Variants in CNTNAP2 observed in about 807,000 individuals in gnomAD.
CNTNAP2 encodes contactin associated protein 2.
A neutral mutation model predicts 155.2 loss-of-function variants in CNTNAP2; 98 were observed. That is an observed-to-expected ratio of 0.63 (90% CI 0.54 to 0.75). The LOEUF is 0.75. CNTNAP2 is among the 30% of genes least tolerant of loss of function. The pLI is 0.00. For synonymous variants in CNTNAP2, 651 were observed against 631.2 expected (o/e 1.03, Z -0.47); for missense variants, 1,727 against 1,688.1 (o/e 1.02, Z -0.40).
chr7:146,760,195 C>T (rs1030741581), intron 1 of CNTNAP2, among the ~76,000 whole-genome samples: 1 of 152,048 alleles, frequency 6.6e-6, no homozygotes, highest in Non-Finnish European at 1.5e-5. Context: ...GAGCCCAAAT[C>T]CATATTTTAT....
intron 13 of CNTNAP2, among the ~76,000 whole-genome samples, chr7:147,823,138 C>T (rs1798388050): frequency 6.6e-6 from 1 of 152,162 alleles, no homozygotes; most frequent in African/African-American, 2.4e-5. Context: ...TCCAAGTCTA[C>T]ACACTCCACT....
intron 9 of CNTNAP2, among the ~76,000 whole-genome samples, chr7:147,388,512 A>C (rs1408748744): frequency 6.6e-6 from 1 of 152,242 alleles, no homozygotes; most frequent in Non-Finnish European, 1.5e-5. Flanking sequence ...ATCTACATAT[A>C]GTGAAAACCA....
chr7:148,030,435 A>T (rs1198644640), intron 15 of CNTNAP2, among the ~76,000 whole-genome samples: 1 of 152,170 alleles, frequency 6.6e-6, no homozygotes, highest in East Asian at 1.9e-4. Flanking sequence ...ATTGTCTTTA[A>T]TAGTTGCAGT....
intron 2 of CNTNAP2, among the ~76,000 whole-genome samples, chr7:146,830,642 G>A (rs758485223): frequency 2.0e-5 from 3 of 152,004 alleles, no homozygotes; most frequent in Non-Finnish European, 4.4e-5. Flanking sequence ...TTGATAATGC[G>A]TTTCTTCAAA....
At position 147,257,831 on chromosome 7, in the gene CNTNAP2, A is replaced by C. The variant is rs115158744; in HGVS notation, c.1349-42310A>C. 2.9e-3 allele frequency among the ~76,000 whole-genome samples: 439 copies of C among 152,332 alleles called. 2 individuals are homozygous for C. The highest frequency in any genetic ancestry group is 0.01 in the African/African-American group (425 of 41,572). On this transcript the variant is annotated intron_variant, in intron 8 of 23. Coordinates refer to ENST00000361727, the MANE Select transcript of CNTNAP2 (RefSeq NM_014141.6). ...AAAAATATGGAACTTGGGAAAATGT[A>C]ATAGGTTGAGTGACTAGATCGATAG...
chr7:147,487,207 A>G (rs1460319164), intron 11 of CNTNAP2, among the ~76,000 whole-genome samples: 1 of 152,204 alleles, frequency 6.6e-6, no homozygotes, highest in Admixed American at 6.5e-5. Flanking sequence ...TTGTTTAGGT[A>G]GATATTCAAA....
chr7:146,573,001 A>G (rs1798466141), intron 1 of CNTNAP2, among the ~76,000 whole-genome samples: 1 of 152,140 alleles, frequency 6.6e-6, no homozygotes, highest in South Asian at 2.1e-4. Flanking sequence ...ATGGAGGAGC[A>G]CCCAACAAAT....
chr7:146,701,853 T>C (rs1478742701), intron 1 of CNTNAP2, among the ~76,000 whole-genome samples: 1 of 152,132 alleles, frequency 6.6e-6, no homozygotes, highest in Non-Finnish European at 1.5e-5. Context: ...ATTCAATCAA[T>C]ACACAATGCA....
rs756550433 is a variant in CNTNAP2, at chr7:148,409,440, T to C, written c.3765T>C (p.Asn1255=). Residue 1255 remains asparagine, a synonymous_variant, in exon 23 of 24, where the codon AAT becomes AAC. Coordinates refer to ENST00000361727, the MANE Select transcript of CNTNAP2 (RefSeq NM_014141.6). ...CAGGACAAGGCCAAGCTATAAGAAA[T>C]GGAGTCAACAGAAACTCGGCTATCA... The part of the protein sequence containing the change: ...YNPGQGQAIR[N]GVNRNSAIIG... The C allele has an allele frequency of 1.9e-6, 3 of 1,613,834 alleles. No individual in the cohort carries two copies. The highest frequency in any genetic ancestry group is 1.7e-5 in the Admixed American group (1 of 60,002).
intron 1 of CNTNAP2, among the ~76,000 whole-genome samples, chr7:146,636,155 G>A (rs1470126016): frequency 1.3e-5 from 2 of 151,492 alleles, no homozygotes; most frequent in African/African-American, 2.4e-5. Flanking sequence ...TAGGGGAGAG[G>A]TGGACTACAG....
At chr7:146,764,502 A>G (rs1448777308) in intron 1 of CNTNAP2, among the ~76,000 whole-genome samples, 1 of 150,898 alleles carries the variant, frequency 6.6e-6, no homozygotes, top group African/African-American at 2.4e-5. Flanking sequence ...AAATTAGAAG[A>G]TCAAGTTCGA....
At chr7:146,975,225 G>A (rs889383649) in intron 3 of CNTNAP2, among the ~76,000 whole-genome samples, 1 of 152,102 alleles carries the variant, frequency 6.6e-6, no homozygotes, top group African/African-American at 2.4e-5. Context: ...AGCAGTTTGG[G>A]AGGCCGAGGT....
At chr7:147,832,234 A>G (rs1046453252) in intron 13 of CNTNAP2, among the ~76,000 whole-genome samples, 9 of 141,090 alleles carry the variant, frequency 6.4e-5, no homozygotes, top group African/African-American at 2.0e-4. Flanking sequence ...TTAATTATAT[A>G]AACATTTAAT....
At chr7:146,118,126 T>C (rs914927786) in intron 1 of CNTNAP2, among the ~76,000 whole-genome samples, 8 of 152,154 alleles carry the variant, frequency 5.3e-5, no homozygotes, top group Non-Finnish European at 1.0e-4. Flanking sequence ...AGGAATAGCA[T>C]TGAAAAAGGA....
intron 1 of CNTNAP2, among the ~76,000 whole-genome samples, chr7:146,667,817 C>T (rs1218770997): frequency 4.0e-5 from 6 of 151,266 alleles, no homozygotes; most frequent in African/African-American, 7.3e-5. Flanking sequence ...TTTCGTGTGT[C>T]GATTTTTTAT....
At chr7:148,027,756 A>G (rs1013240767) in intron 15 of CNTNAP2, among the ~76,000 whole-genome samples, 7 of 152,226 alleles carry the variant, frequency 4.6e-5, no homozygotes, top group African/African-American at 1.7e-4. Flanking sequence ...TCATATATGA[A>G]AAAAAGAAAG....
chr7:146,856,986 T>A (rs1050463791), intron 3 of CNTNAP2, among the ~76,000 whole-genome samples: 1 of 152,128 alleles, frequency 6.6e-6, no homozygotes, highest in Admixed American at 6.6e-5. Flanking sequence ...AAAGATGCCC[T>A]AAAGACATAA....
intron 1 of CNTNAP2, among the ~76,000 whole-genome samples, chr7:146,648,962 G>T (rs542143382): frequency 3.9e-5 from 6 of 151,940 alleles, no homozygotes; most frequent in Non-Finnish European, 8.8e-5. Flanking sequence ...GGGAAATACC[G>T]CTCTTGCTTT....
chr7:147,925,459 A>AT (rs1800380781), intron 14 of CNTNAP2, among the ~76,000 whole-genome samples: 1 of 151,854 alleles, frequency 6.6e-6, no homozygotes, highest in South Asian at 2.1e-4. Context: ...CATTCTGTGG[A>AT]TTTTTTATTT....
Sources: allele counts gnomAD v4.1 joint callset (sites outside exome capture counted in the v4.1 genomes callset), GRCh38; gene constraint gnomAD v4.1.1; transcripts MANE v1.5; gene names NCBI Gene and HGNC (gene_info 2026-07-23, HGNC 2026-07-21).